The following RSPO2 variants were observed in gnomAD, a reference collection of about 807,000 sequenced individuals.
RSPO2 encodes R-spondin-2.
Under a neutral mutation model 30.9 loss-of-function variants are expected in RSPO2, and 14 were observed. The observed-to-expected ratio is 0.45, with a 90% CI of 0.30 to 0.71. The LOEUF is 0.71. Ranked by LOEUF, RSPO2 falls within the 30% of genes least tolerant of loss-of-function variation. The pLI is 0.08. For missense variants in RSPO2, 264 were observed against 301.9 expected, an observed-to-expected ratio of 0.87 and a Z score of 0.93; for synonymous variants, 107 against 96.4, an observed-to-expected ratio of 1.11 and a Z score of -0.64.
At chr8:108,018,107 C>G (rs537949709) in intron 2 of RSPO2, among the ~76,000 whole-genome samples, 5 of 151,422 alleles carry the variant, frequency 3.3e-5, no homozygotes, top group Non-Finnish European at 7.4e-5. Flanking sequence ...AAAATTATAC[C>G]CTCATTTCAT....
intron 2 of RSPO2, among the ~76,000 whole-genome samples, chr8:108,014,303 G>A (rs1041778477): frequency 1.3e-5 from 2 of 152,142 alleles, no homozygotes; most frequent in Non-Finnish European, 2.9e-5. Flanking sequence ...CAAGGATCTA[G>A]AACCAGAAAT....
chr8:108,068,760 C>T (rs1419717642), intron 2 of RSPO2, among the ~76,000 whole-genome samples: 5 of 152,162 alleles, frequency 3.3e-5, no homozygotes, highest in African/African-American at 7.2e-5. Context: ...TGGAATTCTA[C>T]TGTTACAAGT....
At chr8:108,027,914 C>T (rs1444679601) in intron 2 of RSPO2, among the ~76,000 whole-genome samples, 7 of 152,136 alleles carry the variant, frequency 4.6e-5, no homozygotes, top group Non-Finnish European at 8.8e-5. Flanking sequence ...CAGCTTTTGG[C>T]CTCTCACCTT....
intron 2 of RSPO2, among the ~76,000 whole-genome samples, chr8:108,076,141 C>T (rs1344495731): frequency 6.6e-6 from 1 of 152,234 alleles, no homozygotes; most frequent in African/African-American, 2.4e-5. Context: ...CACACACATG[C>T]TCAACAGCGC....
Position 107,956,088 on chromosome 8 carries a change from A to G in RSPO2, c.616+1992T>C, listed in dbSNP as rs191599588. Among the ~76,000 whole-genome samples, 4 of 152,298 alleles carry G rather than the reference A, an allele frequency of 2.6e-5. No individual in the cohort carries two copies. In the East Asian group the frequency reaches 7.7e-4, roughly 29 times the overall value. On this transcript the variant is annotated intron_variant, in intron 5 of 5. Transcript: ENST00000276659. ...GGATACTCCCCTGGAAGTTACGCCA[A>G]TTTTTATCAATCGGTGCTCAAGTTA...
intron 3 of RSPO2, among the ~76,000 whole-genome samples, chr8:107,988,092 A>G (rs1349693387): frequency 6.6e-6 from 1 of 152,050 alleles, no homozygotes; most frequent in African/African-American, 2.4e-5. Flanking sequence ...TTTAAACCAC[A>G]ATTTCTATGG....
intron 2 of RSPO2, among the ~76,000 whole-genome samples, chr8:108,081,325 T>C (rs903330305): frequency 6.6e-6 from 1 of 152,146 alleles, no homozygotes; most frequent in African/African-American, 2.4e-5. Flanking sequence ...CTCCTCAAAA[T>C]CTGGATGCAG....
At chr8:107,915,991 C>A (rs377349906) in intron 5 of RSPO2, among the ~76,000 whole-genome samples, 10 of 152,206 alleles carry the variant, frequency 6.6e-5, no homozygotes, top group Middle Eastern at 6.8e-3. Context: ...AAGAGCTTCA[C>A]CCTGAAGCCA....
At chr8:108,027,810 G>A (rs1347703049) in intron 2 of RSPO2, among the ~76,000 whole-genome samples, 1 of 152,046 alleles carries the variant, frequency 6.6e-6, no homozygotes, top group Non-Finnish European at 1.5e-5. Context: ...ATATTAAACA[G>A]TCCCCGAGCT....
At chr8:108,031,093 T>C (rs1474313956) in intron 2 of RSPO2, among the ~76,000 whole-genome samples, 3 of 152,358 alleles carry the variant, frequency 2.0e-5, no homozygotes, top group Middle Eastern at 3.4e-3. Context: ...ATTTTTAAAT[T>C]ATTCTTGTGT....
intron 5 of RSPO2, among the ~76,000 whole-genome samples, chr8:107,914,519 T>C (rs1811918823): frequency 6.6e-6 from 1 of 152,128 alleles, no homozygotes; most frequent in African/African-American, 2.4e-5. Context: ...TGTTTTCTAC[T>C]GTTTACTATG....
intron 2 of RSPO2, among the ~76,000 whole-genome samples, chr8:108,024,941 G>C (rs916435089): frequency 6.6e-6 from 1 of 152,064 alleles, no homozygotes; most frequent in African/African-American, 2.4e-5. Flanking sequence ...GACTGCTTGA[G>C]CCCAGGAGGC....
intron 5 of RSPO2, among the ~76,000 whole-genome samples, chr8:107,902,653 G>T (rs959008831): frequency 2.0e-5 from 3 of 152,050 alleles, no homozygotes; most frequent in Admixed American, 2.0e-4. Flanking sequence ...TGATCAGAAA[G>T]GATCTGTTTT....
intron 5 of RSPO2, among the ~76,000 whole-genome samples, chr8:107,942,647 A>G (rs1297118430): frequency 6.6e-6 from 1 of 152,218 alleles, no homozygotes; most frequent in Non-Finnish European, 1.5e-5. Flanking sequence ...TCCAGATAAC[A>G]GGACAGCAAA....
At chr8:108,009,914 T>G (rs987185864) in intron 2 of RSPO2, among the ~76,000 whole-genome samples, 1 of 150,698 alleles carries the variant, frequency 6.6e-6, no homozygotes, top group Admixed American at 6.6e-5. Context: ...TCAAGTGTGG[T>G]GGCACACGCT....
chr8:107,942,009 G>T (rs1478541037), intron 5 of RSPO2, among the ~76,000 whole-genome samples: 1 of 152,108 alleles, frequency 6.6e-6, no homozygotes, highest in Non-Finnish European at 1.5e-5. Context: ...TTTTAGAGGG[G>T]GGATGTTCTG....
In RSPO2 at chr8:108,046,644, A is replaced by C. The variant is rs116186798; in HGVS notation, c.94+35901T>G. Among the ~76,000 whole-genome samples the C allele has an allele frequency of 3.3e-3, 510 of 152,280 alleles. 8 individuals carry two copies. The highest frequency in any genetic ancestry group is 0.011 in the African/African-American group (473 of 41,576). On this transcript the variant is annotated intron_variant, in intron 2 of 5. Coordinates refer to ENST00000276659, the MANE Select transcript of RSPO2 (RefSeq NM_178565.5). ...CATCATTTGCAAACAAACAAACAAA[A>C]AAAACTGCTCTATTAACTACACAGG...
At chr8:108,004,350 T>A (rs892509535) in intron 2 of RSPO2, among the ~76,000 whole-genome samples, 8 of 152,212 alleles carry the variant, frequency 5.3e-5, no homozygotes, top group African/African-American at 1.9e-4. Flanking sequence ...CCATGCAATT[T>A]CCTGCAAATG....
intron 5 of RSPO2, among the ~76,000 whole-genome samples, chr8:107,921,837 G>A (rs1156516585): frequency 1.3e-5 from 2 of 151,888 alleles, no homozygotes; most frequent in African/African-American, 4.8e-5. Flanking sequence ...CACATAAATG[G>A]AACTAAATAC....
Sources: allele counts gnomAD v4.1 joint callset (sites outside exome capture counted in the v4.1 genomes callset), GRCh38; gene constraint gnomAD v4.1.1; transcripts MANE v1.5; gene names NCBI Gene and HGNC (gene_info 2026-07-23, HGNC 2026-07-21).